The following MAP4K5 variants were observed in gnomAD, a reference collection of about 807,000 sequenced individuals.
MAP4K5 encodes mitogen-activated protein kinase kinase kinase kinase 5.
In MAP4K5, 82 loss-of-function variants were observed where a neutral mutation model predicts 135.6. The ratio of observed to expected loss-of-function variants is 0.60; its 90% CI spans 0.51 to 0.73. MAP4K5 has a LOEUF of 0.73. Ranked by LOEUF, MAP4K5 falls within the 30% of genes least tolerant of loss-of-function variation. The pLI, the probability that MAP4K5 is intolerant of heterozygous loss-of-function variation, is 0.00. For synonymous variants in MAP4K5, 347 were observed against 335.0 expected, an observed-to-expected ratio of 1.04 and a Z score of -0.39; for missense variants, 907 against 1,010.9, an observed-to-expected ratio of 0.90 and a Z score of 1.39.
chr14:50,548,995 C>T (rs2038668913), intron 1 of MAP4K5, among the ~76,000 whole-genome samples: 1 of 152,174 alleles, frequency 6.6e-6, no homozygotes, highest in South Asian at 2.1e-4. Flanking sequence ...TCTGGGGTGG[C>T]ACAATTACAC....
chr14:50,429,549 A>C (rs2035924778), intron 28 of MAP4K5, among the ~76,000 whole-genome samples: 1 of 152,210 alleles, frequency 6.6e-6, no homozygotes, highest in African/African-American at 2.4e-5. Flanking sequence ...GCAAAGGTAA[A>C]ATATGAGGAG....
chr14:50,523,552 T>C (rs1293253221), intron 2 of MAP4K5, among the ~76,000 whole-genome samples: 1 of 152,188 alleles, frequency 6.6e-6, no homozygotes, highest in Non-Finnish European at 1.5e-5. Flanking sequence ...AATCTAACCT[T>C]TTCAATGAGG....
intron 9 of MAP4K5, among the ~76,000 whole-genome samples, chr14:50,470,885 T>C (rs1595479388): frequency 6.6e-6 from 1 of 152,138 alleles, no homozygotes; most frequent in Admixed American, 6.6e-5. Context: ...TCTGTATGCC[T>C]CTCTAATAAA....
At chr14:50,556,747 TG>T (rs1278762306) in intron 1 of MAP4K5, among the ~76,000 whole-genome samples, 1 of 152,202 alleles carries the variant, frequency 6.6e-6, no homozygotes, top group African/African-American at 2.4e-5. Flanking sequence ...TCATATAATA[TG>T]TGGTCTTTGT....
At chr14:50,446,208 T>C in intron 16 of MAP4K5, 87 bp from the exon 17 acceptor site, 4 of 786,352 alleles carry the variant, frequency 5.1e-6, no homozygotes, top group South Asian at 1.8e-5. Context: ...TTAAAATCAG[T>C]TTCTATACAG....
intron 13 of MAP4K5, among the ~76,000 whole-genome samples, chr14:50,459,575 TTAGAC>T (rs2036664125): frequency 6.6e-6 from 1 of 152,202 alleles, no homozygotes; most frequent in Admixed American, 6.5e-5. Flanking sequence ...TCTACTACCC[TTAGAC>T]TAAAGCCCAA....
intron 1 of MAP4K5, chr14:50,559,923 G>A (rs1471804231): frequency 2.6e-6 from 1 of 380,472 alleles, no homozygotes; most frequent in Non-Finnish European, 4.9e-6. Context: ...TTCTTTGAGA[G>A]TGTGTTCGAG....
intron 21 of MAP4K5, among the ~76,000 whole-genome samples, 199 bp from the exon 22 acceptor site, chr14:50,440,640 T>C (rs1271456654): frequency 1.3e-5 from 2 of 152,206 alleles, no homozygotes; most frequent in Non-Finnish European, 2.9e-5. Flanking sequence ...ATATATTCTA[T>C]GTTAGACTAA....
intron 8 of MAP4K5, 67 bp from the exon 9 acceptor site, chr14:50,475,216 C>T: frequency 1.7e-6 from 2 of 1,165,384 alleles, no homozygotes; most frequent in Admixed American, 1.8e-5. Context: ...TTACTTTCGC[C>T]CTTAGGCATG....
intron 28 of MAP4K5, among the ~76,000 whole-genome samples, chr14:50,432,275 T>C (rs928700368): frequency 5.3e-5 from 8 of 151,912 alleles, no homozygotes; most frequent in African/African-American, 1.9e-4. Context: ...CAGCTAGGAG[T>C]TGGATTAACA....
At chr14:50,456,260 T>G in intron 14 of MAP4K5, 1 of 453,904 alleles carries the variant, frequency 2.2e-6, no homozygotes, top group South Asian at 2.7e-5. Flanking sequence ...CATGCAATGT[T>G]AATTTTCTCT....
In MAP4K5 at chr14:50,419,856, C is replaced by T. The variant is rs1263734124; in HGVS notation, c.*163G>A. 4 of 588,324 alleles carry T rather than the reference C, an allele frequency of 6.8e-6. No individual in the cohort carries two copies. Among genetic ancestry groups the T allele is most frequent in the Non-Finnish European group, 1.2e-5 (4 of 329,670 alleles). The allele number at this position is 588,324 out of a possible 1,614,324, so 36.4% of individuals were successfully genotyped here. On this transcript the variant is annotated 3_prime_UTR_variant, in exon 33 of 33. Coordinates refer to ENST00000682126, the MANE Select transcript of MAP4K5 (RefSeq NM_006575.6). ...GTGGCAAGAGATAGACTAGCTGTTT[C>T]CAGCTGCAGAAAATATTGAATTCTA...
intron 9 of MAP4K5, among the ~76,000 whole-genome samples, chr14:50,470,575 G>GA (rs2036935014): frequency 1.3e-5 from 2 of 151,080 alleles, no homozygotes; most frequent in African/African-American, 4.9e-5. Flanking sequence ...TGGAATATAT[G>GA]AAAAAATATG....
intron 13 of MAP4K5, among the ~76,000 whole-genome samples, chr14:50,461,451 G>A (rs770725876): frequency 6.6e-6 from 1 of 151,878 alleles, no homozygotes; most frequent in Non-Finnish European, 1.5e-5. Context: ...AGGACATGAA[G>A]AGACAAATTC....
intron 30 of MAP4K5, 85 bp downstream of exon 30, chr14:50,428,577 G>T: frequency 1.4e-6 from 1 of 737,040 alleles, no homozygotes; most frequent in Non-Finnish European, 2.2e-6. Context: ...GTGAGACAGT[G>T]CTGGTCTAGA....
At chr14:50,549,910 TG>T (rs746860544) in intron 1 of MAP4K5, among the ~76,000 whole-genome samples, 2 of 152,326 alleles carry the variant, frequency 1.3e-5, no homozygotes, top group Non-Finnish European at 1.5e-5. Context: ...TGAATGGGCC[TG>T]TAAAATATGC....
At chr14:50,492,653 T>C (rs1203663104) in intron 3 of MAP4K5, among the ~76,000 whole-genome samples, 2 of 151,550 alleles carry the variant, frequency 1.3e-5, no homozygotes, top group Non-Finnish European at 2.9e-5. Context: ...AAAAGCAACC[T>C]ATAGGAGAAA....
At chr14:50,542,238 A>G (rs1466720656) in intron 2 of MAP4K5, among the ~76,000 whole-genome samples, 1 of 130,474 alleles carries the variant, frequency 7.7e-6, no homozygotes, top group Non-Finnish European at 1.6e-5. Flanking sequence ...CAATGAGAAC[A>G]CGTGGACACA....
At chr14:50,515,836 A>C (rs1261625502) in intron 2 of MAP4K5, among the ~76,000 whole-genome samples, 5 of 152,236 alleles carry the variant, frequency 3.3e-5, no homozygotes, top group Middle Eastern at 3.4e-3. Context: ...CTATGCAGCC[A>C]ACCATCTATT....
Sources: allele counts gnomAD v4.1 joint callset (sites outside exome capture counted in the v4.1 genomes callset), GRCh38; gene constraint gnomAD v4.1.1; transcripts MANE v1.5; gene names NCBI Gene and HGNC (gene_info 2026-07-23, HGNC 2026-07-21).